The following TAS2R1 variants were observed in gnomAD, a reference collection of about 807,000 sequenced individuals.
The protein encoded by TAS2R1 is taste receptor type 2 member 1.
For missense variants in TAS2R1, 370 were observed against 353.4 expected (o/e 1.05, Z -0.38); for synonymous variants, 141 against 134.2 (o/e 1.05, Z -0.35).
chr5:9,881,164 C>CA, the TAS2R1 span, among the ~76,000 whole-genome samples: 2 of 152,098 alleles, frequency 1.3e-5, no homozygotes, highest in African/African-American at 4.8e-5. Flanking sequence ...TCTCAGGATA[C>CA]AAAATCAATG....
intron 2 of TAS2R1, chr5:9,658,320 C>G (rs550136775): frequency 1.3e-5 from 2 of 152,158 alleles, no homozygotes; most frequent in Non-Finnish European, 2.9e-5. Context: ...CCCAAGGGCA[C>G]GCAGCCTGCA....
chr5:9,813,397 G>A, the TAS2R1 span, among the ~76,000 whole-genome samples: 1 of 152,266 alleles, frequency 6.6e-6, no homozygotes, highest in East Asian at 1.9e-4. Flanking sequence ...CCACTTCGAG[G>A]TCATAACTCT....
the TAS2R1 span, among the ~76,000 whole-genome samples, chr5:9,797,610 C>A: frequency 1.3e-5 from 2 of 152,052 alleles, no homozygotes; most frequent in Non-Finnish European, 2.9e-5. Context: ...GATGATGCCA[C>A]CGGTGATTCT....
the TAS2R1 span, among the ~76,000 whole-genome samples, chr5:9,797,054 C>T: frequency 2.0e-5 from 3 of 152,148 alleles, no homozygotes. Flanking sequence ...TGGGATCCTC[C>T]TGGGGTGCTA....
chr5:9,730,200 A>C, the TAS2R1 span, among the ~76,000 whole-genome samples: 1 of 152,230 alleles, frequency 6.6e-6, no homozygotes, highest in Non-Finnish European at 1.5e-5. Context: ...TGTTACTGAG[A>C]ACATGAAAAG....
the TAS2R1 span, chr5:9,902,751 G>T: frequency 3.3e-5 from 5 of 151,932 alleles, no homozygotes; most frequent in Non-Finnish European, 5.9e-5. Flanking sequence ...AGCGTGGACA[G>T]GTCTGAAAGT....
Position 9,696,856 on chromosome 5 carries a change from A to G in TAS2R1, c.-242+15316T>C, listed in dbSNP as rs554478049. 8.0e-5 allele frequency among the ~76,000 whole-genome samples: 12 copies of G among 150,888 alleles called. No homozygotes were observed. In the South Asian group the frequency reaches 1.1e-3, roughly 13 times the overall value. On this transcript the variant is annotated intron_variant, in intron 1 of 2. Transcript: ENST00000506620. Reference sequence around the variant, plus strand: ...TGGAGAAACCCTGTCTCTACTAATAATACAAAATTAGCCAGCCGTGGTGGC... The same window carrying G: ...TGGAGAAACCCTGTCTCTACTAATAGTACAAAATTAGCCAGCCGTGGTGGC...
chr5:9,631,965 C>A (rs1385617604), upstream of TAS2R1, among the ~76,000 whole-genome samples: 1 of 152,180 alleles, frequency 6.6e-6, no homozygotes, highest in Non-Finnish European at 1.5e-5. Flanking sequence ...GATCCAAATG[C>A]AAGCATGCCA....
At chr5:9,651,246 T>C (rs574462004) in intron 2 of TAS2R1, among the ~76,000 whole-genome samples, 1 of 152,308 alleles carries the variant, frequency 6.6e-6, no homozygotes, top group South Asian at 2.1e-4. Context: ...CACATATACA[T>C]CACTGGATTA....
the TAS2R1 span, among the ~76,000 whole-genome samples, chr5:9,720,962 G>A: frequency 6.6e-6 from 1 of 152,168 alleles, no homozygotes; most frequent in Non-Finnish European, 1.5e-5. Flanking sequence ...GGAAAATCTA[G>A]AACATGATGT....
At chr5:9,848,734 A>ATG in the TAS2R1 span, among the ~76,000 whole-genome samples, 1 of 152,248 alleles carries the variant, frequency 6.6e-6, no homozygotes, top group East Asian at 1.9e-4. Context: ...AATTATATAT[A>ATG]TATGTTAATA....
At chr5:9,867,975 TC>T in the TAS2R1 span, among the ~76,000 whole-genome samples, 1 of 152,200 alleles carries the variant, frequency 6.6e-6, no homozygotes, top group Non-Finnish European at 1.5e-5. Context: ...CTCCTTTGAC[TC>T]CATGTCTCAC....
intron 1 of TAS2R1, among the ~76,000 whole-genome samples, chr5:9,679,224 G>A (rs770275941): frequency 5.9e-5 from 9 of 152,180 alleles, no homozygotes; most frequent in Non-Finnish European, 8.8e-5. Context: ...GATAATGGGC[G>A]AAGCACAGGG....
the TAS2R1 span, among the ~76,000 whole-genome samples, chr5:9,719,945 C>CA: frequency 8.0e-6 from 1 of 124,704 alleles, no homozygotes; most frequent in African/African-American, 3.2e-5. Flanking sequence ...AAAACAAAAA[C>CA]AAAAACAAAC....
chr5:9,805,863 T>C, the TAS2R1 span, among the ~76,000 whole-genome samples: 1 of 152,108 alleles, frequency 6.6e-6, no homozygotes, highest in Non-Finnish European at 1.5e-5. Context: ...GGTTCACCAC[T>C]TCTATTCAAC....
At chr5:9,750,389 C>A in the TAS2R1 span, among the ~76,000 whole-genome samples, 1 of 152,182 alleles carries the variant, frequency 6.6e-6, no homozygotes, top group Non-Finnish European at 1.5e-5. Context: ...CTTTAGTAAA[C>A]TCTTCCATTA....
At position 9,628,686 on chromosome 5, in the gene TAS2R1, C is replaced by G. The variant is rs1739803536; in HGVS notation, c.*447G>C. Reference sequence around the variant, plus strand: ...GCCCGTTAAGGTCAGGAAAAACCATCAAAGACAAGGCGTCAGATATTCATG... The same window carrying G: ...GCCCGTTAAGGTCAGGAAAAACCATGAAAGACAAGGCGTCAGATATTCATG... On this transcript the variant is annotated 3_prime_UTR_variant, in exon 1 of 1. Coordinates refer to ENST00000382492, the MANE Select transcript of TAS2R1 (RefSeq NM_019599.3). Among the ~76,000 whole-genome samples, 1 of 152,218 alleles carries G rather than the reference C, an allele frequency of 6.6e-6. No homozygotes were observed. The highest frequency in any genetic ancestry group is 6.5e-5 in the Admixed American group (1 of 15,282).
intron 1 of TAS2R1, among the ~76,000 whole-genome samples, chr5:9,664,771 T>C (rs1740599656): frequency 6.6e-6 from 1 of 152,212 alleles, no homozygotes; most frequent in African/African-American, 2.4e-5. Flanking sequence ...GGTCTCACTG[T>C]TACCCCCTTA....
the TAS2R1 span, among the ~76,000 whole-genome samples, chr5:9,820,186 G>C: frequency 5.8e-4 from 88 of 152,256 alleles, no homozygotes; most frequent in African/African-American, 2.0e-3. Context: ...CCATTGATCA[G>C]AAACTTAAGC....
Sources: allele counts gnomAD v4.1 joint callset (sites outside exome capture counted in the v4.1 genomes callset), GRCh38; gene constraint gnomAD v4.1.1; transcripts MANE v1.5; gene names NCBI Gene and HGNC (gene_info 2026-07-23, HGNC 2026-07-21).